PROS1: variants seen among roughly 807,000 people sequenced by gnomAD.
PROS1 encodes the protein vitamin K-dependent protein S.
A neutral mutation model predicts 75.9 loss-of-function variants in PROS1; 29 were observed. The observed-to-expected ratio is 0.38, with a 90% confidence interval of 0.28 to 0.52. PROS1 has a LOEUF of 0.52. PROS1 is among the 20% of genes least tolerant of loss of function. The pLI is 0.83. For synonymous variants in PROS1, 245 were observed against 280.6 expected (o/e 0.87, Z 1.27); for missense variants, 680 against 810.3 (o/e 0.84, Z 1.95).
chr3:93,927,306 C>T lies in PROS1; in HGVS notation c.178G>A (p.Glu60Lys), dbSNP rs758232970. The change falls in exon 2 of 15, where the codon GAA becomes AAA. Residue 60 changes from glutamate to lysine, a missense_variant. Glu to Lys is a moderately conservative substitution (Grantham distance 56). Coordinates refer to ENST00000394236, the MANE Select transcript of PROS1 (RefSeq NM_000313.4). ...KQGNLERECI[E>K]ELCNKEEARE... ...GCTTCTTCTTTATTGCACAGTTCTT[C>T]GATGCATTCTCTTTCAAGATTACCC... 1.2e-5 allele frequency: 20 copies of T among 1,613,144 alleles called. No homozygotes were observed. Among genetic ancestry groups the T allele is most frequent in the South Asian group, 7.7e-5 (7 of 91,018 alleles).
At chr3:93,887,038 C>G (rs1177128804) in intron 10 of PROS1, among the ~76,000 whole-genome samples, 2 of 151,402 alleles carry the variant, frequency 1.3e-5, no homozygotes, top group East Asian at 3.9e-4. Context: ...CCTGCCTCAG[C>G]CTCCCGAGTA....
In PROS1 at chr3:93,898,585, C is replaced by T. The variant is rs1343873079; in HGVS notation, c.728-16G>A. 6.2e-7 allele frequency: 1 copy of T among 1,610,442 alleles called. No homozygotes were observed. Among genetic ancestry groups the T allele is most frequent in the East Asian group, 2.2e-5 (1 of 44,688 alleles). ...TCATCTATATCTGAGGTAAAAAAAA[C>T]ACACGCACACAAACTTTAATATCCC... On this transcript the variant is annotated splice_polypyrimidine_tract_variant and intron_variant, in intron 7 of 14. Coordinates refer to ENST00000394236, the MANE Select transcript of PROS1 (RefSeq NM_000313.4).
rs149153992 is a variant in PROS1, at chr3:93,906,388, C to T, written c.347-245G>A. Among the ~76,000 whole-genome samples, 20 of 152,350 alleles carry T rather than the reference C, an allele frequency of 1.3e-4. No homozygotes were observed. The East Asian group carries it at 3.3e-3, about 25-fold the overall frequency. ...TGTAGAGTGGCCGCTGCCAAGACGC[C>T]AGCTGCAGTGGGGATGTGGGCCAGG... On this transcript the variant is annotated intron_variant, in intron 4 of 14. Transcript: ENST00000394236.
intron 1 of PROS1, among the ~76,000 whole-genome samples, chr3:93,936,558 T>C (rs2107217837): frequency 6.6e-6 from 1 of 152,322 alleles, no homozygotes; most frequent in Non-Finnish European, 1.5e-5. Flanking sequence ...AAAGGCCATC[T>C]GAGTAGCCAG....
intron 3 of PROS1, among the ~76,000 whole-genome samples, chr3:93,918,893 T>A (rs1260547618): frequency 1.3e-5 from 2 of 152,224 alleles, no homozygotes; most frequent in African/African-American, 2.4e-5. Flanking sequence ...AATATATATT[T>A]ACAATTTCAT....
intron 1 of PROS1, among the ~76,000 whole-genome samples, chr3:93,940,681 T>C (rs763837969): frequency 6.6e-6 from 1 of 152,082 alleles, no homozygotes; most frequent in Non-Finnish European, 1.5e-5. Flanking sequence ...ACTACCTCCC[T>C]GGCAACTGAT....
At chr3:93,907,197 G>C (rs1451729457) in intron 4 of PROS1, among the ~76,000 whole-genome samples, 1 of 152,236 alleles carries the variant, frequency 6.6e-6, no homozygotes, top group Admixed American at 6.5e-5. Context: ...GGACCAGTCA[G>C]CATGCACTTT....
At chr3:93,880,492 T>C (rs2107130899) in intron 12 of PROS1, among the ~76,000 whole-genome samples, 1 of 151,982 alleles carries the variant, frequency 6.6e-6, no homozygotes, top group South Asian at 2.1e-4. Context: ...GGAAAAAGAG[T>C]GAGACTCTGT....
chr3:93,917,885 T>C (rs1262003988), intron 3 of PROS1, among the ~76,000 whole-genome samples: 5 of 152,126 alleles, frequency 3.3e-5, no homozygotes, highest in Non-Finnish European at 5.9e-5. Context: ...TGTGGGCTCC[T>C]GTGCCATGAA....
chr3:93,927,116 A>C (rs1709029705), intron 2 of PROS1, 134 bp downstream of exon 2: 1 of 1,113,622 alleles, frequency 9.0e-7, no homozygotes, highest in Non-Finnish European at 1.3e-6. Context: ...CTGAAATGGA[A>C]GTGGTTATGT....
chr3:93,927,251 G>T lies in PROS1; in HGVS notation c.233C>A (p.Thr78Lys). Residue 78 changes from threonine (T) to lysine (K), a missense_variant and splice_region_variant, in exon 2 of 15, where the codon ACG becomes AAG. Coordinates refer to ENST00000394236, the MANE Select transcript of PROS1 (RefSeq NM_000313.4). Reference protein sequence around the residue: ...AREVFENDPETDYFYPKYLVC... With the variant: ...AREVFENDPEKDYFYPKYLVC... ...TTGATAGTTTCCATAAATGCTTACCGTTTCCGGGTCATTTTCAAAGACCTC... is the reference window on the plus strand; with the variant it reads ...TTGATAGTTTCCATAAATGCTTACCTTTTCCGGGTCATTTTCAAAGACCTC... 1 of 1,612,212 alleles carries T rather than the reference G, an allele frequency of 6.2e-7. No homozygotes were observed. The highest frequency in any genetic ancestry group is 8.5e-7 in the Non-Finnish European group (1 of 1,179,996).
intron 1 of PROS1, among the ~76,000 whole-genome samples, chr3:93,963,210 T>C (rs1226867414): frequency 2.0e-5 from 3 of 152,218 alleles, no homozygotes; most frequent in African/African-American, 4.8e-5. Flanking sequence ...GTTGTTTGTT[T>C]GTTTTTTGGG....
At position 93,900,844 on chromosome 3, in the gene PROS1, G is replaced by A. The variant is rs149129715; in HGVS notation, c.687C>T (p.Pro229=). ...ATTTGAGATTATATCTGTAGCCTTC[G>A]GGGCATTCACATTCAAAATCTCCTG... is the stretch of plus-strand genomic sequence containing the variant. The part of the protein sequence containing the change: ...NIPGDFECEC[P]EGYRYNLKSK... Residue 229 remains proline (P), a synonymous_variant, in exon 7 of 15, where the codon CCC becomes CCT. Coordinates refer to ENST00000394236, the MANE Select transcript of PROS1 (RefSeq NM_000313.4). 3.6e-5 allele frequency: 58 copies of A among 1,613,574 alleles called. No individual in the cohort carries two copies. Among genetic ancestry groups the A allele is most frequent in the African/African-American group, 2.8e-4 (21 of 74,868 alleles).
rs770459080 is a variant in PROS1 at position 93,876,972 on chromosome 3, G to T, written c.1864C>A (p.Leu622Ile). 4 of 1,599,434 alleles carry T rather than the reference G, an allele frequency of 2.5e-6. No homozygotes were observed. The highest frequency in any genetic ancestry group is 3.4e-6 in the Non-Finnish European group (4 of 1,167,938). Reference protein sequence around the residue: ...KAKVATYLGGLPDVPFSATPV... With the variant: ...KAKVATYLGGIPDVPFSATPV... ...AGAAAAAGTAAGCAGATACCTGGAA[G>T]GCCACCCAGGTATGTGGCCACTTTT... is the stretch of plus-strand genomic sequence containing the variant. Residue 622 changes from leucine to isoleucine, a missense_variant, in exon 14 of 15, where the codon CTT (leucine) becomes ATT (isoleucine). By Grantham distance (5) the Leu-to-Ile change is conservative. Transcript: ENST00000394236.
Position 93,943,289 on chromosome 3 carries a change from C to A in PROS1, c.77-15882G>T, listed in dbSNP as rs528176118. Among the ~76,000 whole-genome samples the A allele has an allele frequency of 3.9e-5, 6 of 152,242 alleles. No individual in the cohort carries two copies. The East Asian group carries it at 1.2e-3, about 29-fold the overall frequency. On this transcript the variant is annotated intron_variant, in intron 1 of 14. Transcript: ENST00000394236. ...GGATAGAGCCCAAAAACTCACCAAC[C>A]AAGCAAGTAATTACACTGAACCCCT...
At chr3:93,956,266 G>A (rs1709596204) in intron 1 of PROS1, among the ~76,000 whole-genome samples, 1 of 151,964 alleles carries the variant, frequency 6.6e-6, no homozygotes, top group Non-Finnish European at 1.5e-5. Flanking sequence ...CTCATCTTTG[G>A]TTCTCAAGAA....
intron 3 of PROS1, among the ~76,000 whole-genome samples, chr3:93,917,880 G>T (rs1300967443): frequency 6.6e-6 from 1 of 152,142 alleles, no homozygotes; most frequent in East Asian, 1.9e-4. Context: ...GCCTCTGTGG[G>T]CTCCTGTGCC....
intron 1 of PROS1, among the ~76,000 whole-genome samples, chr3:93,955,741 C>G (rs1709588626): frequency 6.6e-6 from 1 of 151,186 alleles, no homozygotes; most frequent in African/African-American, 2.4e-5. Flanking sequence ...AAAAGAAAGG[C>G]AAAGAAAATT....
chr3:93,966,617 A>G (rs564340686), intron 1 of PROS1, among the ~76,000 whole-genome samples: 42 of 152,194 alleles, frequency 2.8e-4, no homozygotes, highest in African/African-American at 9.4e-4. Flanking sequence ...AGATCACCAC[A>G]CCTGTAATCC....
Sources: gnomAD v4.1 joint callset for allele counts (sites outside exome capture counted in the v4.1 genomes callset) on GRCh38, gnomAD v4.1.1 for gene constraint, MANE v1.5 for transcripts, NCBI Gene and HGNC (gene_info 2026-07-23, HGNC 2026-07-21) for gene names.